Variants in DGKB observed in about 807,000 individuals in gnomAD.
The protein encoded by DGKB is diacylglycerol kinase beta.
In DGKB, 67 loss-of-function variants were observed where a neutral mutation model predicts 114.3. The ratio of observed to expected loss-of-function variants is 0.59; its 90% CI spans 0.48 to 0.72. The LOEUF is 0.72. DGKB is among the 30% of genes least tolerant of loss of function. The pLI is 0.00. For synonymous variants in DGKB, 398 were observed against 323.1 expected, an observed-to-expected ratio of 1.23 and a Z score of -2.49; for missense variants, 907 against 975.2, an observed-to-expected ratio of 0.93 and a Z score of 0.93.
chr7:14,323,444 T>C (rs1274192659), intron 23 of DGKB, among the ~76,000 whole-genome samples: 3 of 152,144 alleles, frequency 2.0e-5, no homozygotes, highest in Admixed American at 6.5e-5. Flanking sequence ...TCAGTTTCAT[T>C]AAAAGGATAA....
intron 23 of DGKB, among the ~76,000 whole-genome samples, chr7:14,223,166 C>A (rs1790265207): frequency 6.6e-6 from 1 of 151,566 alleles, no homozygotes; most frequent in African/African-American, 2.4e-5. Flanking sequence ...TTCATGTCTG[C>A]CATCTTAATT....
At chr7:14,761,091 T>C (rs1008682718) in intron 2 of DGKB, among the ~76,000 whole-genome samples, 9 of 152,134 alleles carry the variant, frequency 5.9e-5, no homozygotes, top group Admixed American at 3.9e-4. Context: ...AAGTTCCAGT[T>C]CTAATATCTT....
At chr7:14,901,710 T>A (rs1453069537) in intron 1 of DGKB, among the ~76,000 whole-genome samples, 1 of 151,682 alleles carries the variant, frequency 6.6e-6, no homozygotes, top group Non-Finnish European at 1.5e-5. Context: ...ATTTCTGATT[T>A]ATTTTCTAGA....
intron 1 of DGKB, among the ~76,000 whole-genome samples, chr7:14,929,725 C>A (rs1407193071): frequency 3.3e-5 from 5 of 151,938 alleles, no homozygotes; most frequent in Admixed American, 3.3e-4. Flanking sequence ...GTTTAATTTA[C>A]TTAAGTCCCA....
intron 1 of DGKB, among the ~76,000 whole-genome samples, chr7:14,877,720 T>C (rs1853527588): frequency 6.6e-6 from 1 of 152,218 alleles, no homozygotes; most frequent in Non-Finnish European, 1.5e-5. Flanking sequence ...GATAAATGCT[T>C]GAGGAATGTT....
intron 1 of DGKB, among the ~76,000 whole-genome samples, chr7:14,939,081 G>C (rs1785421062): frequency 6.6e-6 from 1 of 151,952 alleles, no homozygotes; most frequent in East Asian, 1.9e-4. Flanking sequence ...TTCTTAAACT[G>C]TTTTTTCTAT....
chr7:14,526,097 G>A (rs1359299575), intron 20 of DGKB, among the ~76,000 whole-genome samples: 2 of 151,974 alleles, frequency 1.3e-5, no homozygotes, highest in East Asian at 1.9e-4. Context: ...ACTTGTCTGT[G>A]GTTTAAATAA....
chr7:14,153,636 C>A (rs544177965), intron 25 of DGKB, among the ~76,000 whole-genome samples: 1 of 152,036 alleles, frequency 6.6e-6, no homozygotes, highest in Admixed American at 6.6e-5. Context: ...CCCTAGAGAG[C>A]ATTCCCTCTC....
chr7:14,621,223 T>C lies in DGKB; in HGVS notation c.1284+155A>G, dbSNP rs943751097. On this transcript the variant is annotated intron_variant, in intron 15 of 25. Transcript: ENST00000402815. ...TTACTCTGTCAATCAACCGTAAGAC[T>C]GACATCTTGATAAATTAATAAAGAT... 7.0e-6 allele frequency: 4 copies of C among 568,512 alleles called. No homozygotes were observed. The Admixed American group carries it at 1.4e-4, about 20-fold the overall frequency. 35.2% of individuals were successfully genotyped at this position (568,512 alleles called of 1,614,324 possible).
chr7:14,823,265 G>T (rs926099595), intron 2 of DGKB, among the ~76,000 whole-genome samples: 1 of 151,766 alleles, frequency 6.6e-6, no homozygotes, highest in East Asian at 1.9e-4. Flanking sequence ...ATTATTAATT[G>T]ATTTTTAAGA....
chr7:14,667,579 T>C (rs1818255978), intron 13 of DGKB, among the ~76,000 whole-genome samples: 1 of 151,988 alleles, frequency 6.6e-6, no homozygotes, highest in African/African-American at 2.4e-5. Flanking sequence ...TGGTACTAAA[T>C]AATAAAAACC....
In DGKB at chr7:14,859,918, G is replaced by A. The variant is rs141736170; in HGVS notation, c.-187-18468C>T. 2.4e-3 allele frequency among the ~76,000 whole-genome samples: 365 copies of A among 152,086 alleles called. 2 individuals are homozygous for A. Among genetic ancestry groups the A allele is most frequent in the African/African-American group, 8.4e-3 (347 of 41,506 alleles). On this transcript the variant is annotated intron_variant, in intron 1 of 25. Coordinates refer to ENST00000402815, the MANE Select transcript of DGKB (RefSeq NM_001350709.2). The stretch of plus-strand genomic sequence containing the variant: ...ATTGGACACAGCACCAACTTTCACC[G>A]AAGTTGTACCCAAAGCCCAGAAATA...
At chr7:14,209,278 G>T in intron 23 of DGKB, 1 of 287,586 alleles carries the variant, frequency 3.5e-6, no homozygotes, top group Non-Finnish European at 6.9e-6. Context: ...ATTAAAGTCA[G>T]TCCCATCTCC....
At chr7:14,228,206 G>A (rs1008010685) in intron 23 of DGKB, among the ~76,000 whole-genome samples, 1 of 151,856 alleles carries the variant, frequency 6.6e-6, no homozygotes, top group African/African-American at 2.4e-5. Flanking sequence ...TGCGTGTTAG[G>A]TTTGTAGAAC....
At chr7:14,839,175 C>T (rs1457923266) in intron 2 of DGKB, among the ~76,000 whole-genome samples, 1 of 152,070 alleles carries the variant, frequency 6.6e-6, no homozygotes, top group Non-Finnish European at 1.5e-5. Context: ...ACACATATCT[C>T]TTCATATTTG....
intron 21 of DGKB, among the ~76,000 whole-genome samples, chr7:14,390,559 A>G (rs1336409105): frequency 6.6e-6 from 1 of 152,198 alleles, no homozygotes; most frequent in African/African-American, 2.4e-5. Context: ...TATTTTATAC[A>G]CTTAATTTTT....
chr7:14,262,713 T>C (rs1796950582), intron 23 of DGKB, among the ~76,000 whole-genome samples: 1 of 151,986 alleles, frequency 6.6e-6, no homozygotes, highest in African/African-American at 2.4e-5. Context: ...TCCAAGAGGA[T>C]GAAGGGGCAA....
chr7:14,938,326 G>C (rs752708307), intron 1 of DGKB, among the ~76,000 whole-genome samples: 13 of 152,204 alleles, frequency 8.5e-5, no homozygotes, highest in Non-Finnish European at 1.8e-4. Flanking sequence ...TACAGAGCAA[G>C]TAAGAAGAGC....
intron 1 of DGKB, among the ~76,000 whole-genome samples, chr7:14,901,560 T>A (rs534332664): frequency 6.6e-6 from 1 of 151,862 alleles, no homozygotes; most frequent in African/African-American, 2.4e-5. Context: ...TCCAACTAAG[T>A]CTAACATTTT....
Sources: allele counts gnomAD v4.1 joint callset (sites outside exome capture counted in the v4.1 genomes callset), GRCh38; gene constraint gnomAD v4.1.1; transcripts MANE v1.5; gene names NCBI Gene and HGNC (gene_info 2026-07-23, HGNC 2026-07-21).